The following UNC13C variants were observed in gnomAD, a reference collection of about 807,000 sequenced individuals.
UNC13C encodes the protein protein unc-13 homolog C.
A neutral mutation model predicts 245.4 loss-of-function variants in UNC13C; 174 were observed. The ratio of observed to expected loss-of-function variants is 0.71; its 90% CI spans 0.63 to 0.80. UNC13C has a LOEUF of 0.80. Ranked by LOEUF, UNC13C falls within the 30% of genes least tolerant of loss-of-function variation. The pLI, the probability that UNC13C is intolerant of heterozygous loss-of-function variation, is 0.00. For missense variants in UNC13C, 2,829 were observed against 2,602.9 expected (o/e 1.09, Z -1.89); for synonymous variants, 992 against 895.1 (o/e 1.11, Z -1.93).
At chr15:54,028,424 T>C (rs1896209966) in intron 2 of UNC13C, among the ~76,000 whole-genome samples, 1 of 152,122 alleles carries the variant, frequency 6.6e-6, no homozygotes, top group Non-Finnish European at 1.5e-5. Flanking sequence ...CTGCCACTAA[T>C]CCATCACGTC....
At position 54,286,945 on chromosome 15, in the gene UNC13C, G is replaced by C. The variant is rs184637364; in HGVS notation, c.3819-6950G>C. Among the ~76,000 whole-genome samples the C allele has an allele frequency of 2.6e-5, 4 of 152,222 alleles. No homozygotes were observed. The East Asian group carries it at 7.7e-4, about 29-fold the overall frequency. On this transcript the variant is annotated intron_variant, in intron 10 of 32. Transcript: ENST00000260323. Reference sequence around the variant, plus strand: ...TGAAAACATTTAAAATTAGAAATATGAATCACTCTTTAAGAAGAGAATTAT... The same window carrying C: ...TGAAAACATTTAAAATTAGAAATATCAATCACTCTTTAAGAAGAGAATTAT...
intron 14 of UNC13C, among the ~76,000 whole-genome samples, chr15:54,330,080 C>T (rs2038399766): frequency 6.6e-6 from 1 of 151,398 alleles, no homozygotes; most frequent in South Asian, 2.1e-4. Context: ...CCATTTTCAT[C>T]TAATGGGCAT....
intron 17 of UNC13C, among the ~76,000 whole-genome samples, chr15:54,374,569 G>C (rs554243248): frequency 5.4e-4 from 82 of 152,354 alleles, no homozygotes; most frequent in African/African-American, 1.9e-3. Flanking sequence ...GAAGAGGCCA[G>C]GCAGCAGGAG....
the UNC13C span, among the ~76,000 whole-genome samples, chr15:53,928,930 G>A: frequency 6.6e-6 from 1 of 152,194 alleles, no homozygotes; most frequent in African/African-American, 2.4e-5. Context: ...CAGTGGTGAT[G>A]ATTACATCAT....
At chr15:54,221,259 A>G (rs951434404) in intron 4 of UNC13C, among the ~76,000 whole-genome samples, 1 of 152,068 alleles carries the variant, frequency 6.6e-6, no homozygotes, top group African/African-American at 2.4e-5. Flanking sequence ...GTTGTATAAA[A>G]TAATGAAGAG....
intron 1 of UNC13C, among the ~76,000 whole-genome samples, chr15:54,012,051 A>G (rs1159613158): frequency 6.6e-6 from 1 of 152,218 alleles, no homozygotes; most frequent in Non-Finnish European, 1.5e-5. Flanking sequence ...AGTTCCTACT[A>G]ATATGAGGCC....
At chr15:54,321,668 G>A (rs549173816) in intron 13 of UNC13C, 6 of 385,818 alleles carry the variant, frequency 1.6e-5, no homozygotes, top group Non-Finnish European at 2.3e-5. Context: ...ACTTCGACAT[G>A]ACAACAGTGG....
At chr15:54,001,556 G>A (rs1346212479) in intron 1 of UNC13C, among the ~76,000 whole-genome samples, 1 of 152,150 alleles carries the variant, frequency 6.6e-6, no homozygotes, top group African/African-American at 2.4e-5. Flanking sequence ...TGGCTGACCT[G>A]CAGTCAGTAA....
At chr15:54,503,135 A>C (rs1214674532) in intron 22 of UNC13C, among the ~76,000 whole-genome samples, 1 of 152,152 alleles carries the variant, frequency 6.6e-6, no homozygotes, top group Non-Finnish European at 1.5e-5. Flanking sequence ...TGGTGCAATA[A>C]AAAATTCAAT....
At chr15:53,965,539 C>CTTATTTATTTATTTAT in the UNC13C span, among the ~76,000 whole-genome samples, 3 of 144,702 alleles carry the variant, frequency 2.1e-5, no homozygotes, top group African/African-American at 7.6e-5. Flanking sequence ...TTTTTTTTCC[C>CTTATTTATTTATTTAT]TTATTTATTT....
intron 19 of UNC13C, among the ~76,000 whole-genome samples, chr15:54,483,766 A>G (rs886084045): frequency 6.6e-6 from 1 of 152,102 alleles, no homozygotes; most frequent in African/African-American, 2.4e-5. Flanking sequence ...TGTTTTCTTC[A>G]CATTACTTAT....
intron 19 of UNC13C, among the ~76,000 whole-genome samples, chr15:54,422,635 A>G (rs1209043670): frequency 6.6e-6 from 1 of 151,808 alleles, no homozygotes; most frequent in Non-Finnish European, 1.5e-5. Flanking sequence ...CAGGGCATTC[A>G]TATTTGCTTG....
chr15:54,361,704 C>G (rs1000646983), intron 17 of UNC13C, among the ~76,000 whole-genome samples: 8 of 152,268 alleles, frequency 5.3e-5, no homozygotes, highest in African/African-American at 1.7e-4. Context: ...TTACAGCGAG[C>G]ACTAGAACTA....
At chr15:54,043,833 T>A (rs1896914068) in intron 2 of UNC13C, among the ~76,000 whole-genome samples, 1 of 152,218 alleles carries the variant, frequency 6.6e-6, no homozygotes, top group South Asian at 2.1e-4. Flanking sequence ...ACAGGTGGCA[T>A]TATTAAAGAC....
At chr15:54,314,919 T>C (rs578242370) in intron 13 of UNC13C, among the ~76,000 whole-genome samples, 2 of 151,650 alleles carry the variant, frequency 1.3e-5, no homozygotes, top group South Asian at 2.1e-4. Context: ...AATTCTGTGA[T>C]ATTTGGATTA....
Position 54,549,670 on chromosome 15 carries a change from T to G in UNC13C, c.5856T>G (p.Leu1952=). 6 of 1,603,036 alleles carry G rather than the reference T, an allele frequency of 3.7e-6. No individual in the cohort carries two copies. Among genetic ancestry groups the G allele is most frequent in the Non-Finnish European group, 5.1e-6 (6 of 1,175,526 alleles). The change falls in exon 28 of 33, where the codon CTT becomes CTG. Residue 1952 remains leucine, a synonymous_variant. Coordinates refer to ENST00000260323, the MANE Select transcript of UNC13C (RefSeq NM_001080534.3). ...PQMIFIAAKD[L]GQLSKLKEHM... ...TGATTTTCATTGCAGCTAAAGATCT[T>G]GGACAATTATCCAAACTGAAGGTAA...
intron 30 of UNC13C, among the ~76,000 whole-genome samples, chr15:54,590,447 C>G (rs989162862): frequency 2.6e-5 from 4 of 152,092 alleles, no homozygotes; most frequent in Non-Finnish European, 5.9e-5. Flanking sequence ...TTGTTTGTGT[C>G]ATCTGTGTTT....
At chr15:54,513,355 A>G (rs1350041664) in intron 24 of UNC13C, among the ~76,000 whole-genome samples, 3 of 152,212 alleles carry the variant, frequency 2.0e-5, no homozygotes, top group Non-Finnish European at 4.4e-5. Flanking sequence ...TCCTTATGCT[A>G]CTTATGCTAT....
chr15:54,178,559 A>G (rs1166452000), intron 4 of UNC13C, among the ~76,000 whole-genome samples: 1 of 152,164 alleles, frequency 6.6e-6, no homozygotes, highest in Admixed American at 6.6e-5. Flanking sequence ...GATTAAATAA[A>G]CAAATTCCAA....
Sources: gnomAD v4.1 joint callset for allele counts (sites outside exome capture counted in the v4.1 genomes callset) on GRCh38, gnomAD v4.1.1 for gene constraint, MANE v1.5 for transcripts, NCBI Gene and HGNC (gene_info 2026-07-23, HGNC 2026-07-21) for gene names.